The following SGCZ variants were observed in gnomAD, a reference collection of about 807,000 sequenced individuals.
SGCZ encodes zeta-sarcoglycan.
Under a neutral mutation model 41.3 loss-of-function variants are expected in SGCZ, and 40 were observed. The ratio of observed to expected loss-of-function variants is 0.97; its 90% confidence interval spans 0.75 to 1.26. The LOEUF (loss-of-function observed/expected upper bound fraction) is 1.26. Ranked by LOEUF, SGCZ falls within the 50% of genes most tolerant of loss-of-function variation. SGCZ has a pLI of 0.00. For missense variants in SGCZ, 552 were observed against 369.8 expected (o/e 1.49, Z -4.04); for synonymous variants, 206 against 137.5 (o/e 1.50, Z -3.49).
intron 1 of SGCZ, among the ~76,000 whole-genome samples, chr8:14,999,834 G>T (rs1167099261): frequency 6.6e-6 from 1 of 152,182 alleles, no homozygotes; most frequent in Non-Finnish European, 1.5e-5. Flanking sequence ...ACAGCAAAAA[G>T]TTAAAATCAG....
At chr8:15,044,771 G>A (rs762648198) in intron 1 of SGCZ, among the ~76,000 whole-genome samples, 10 of 151,986 alleles carry the variant, frequency 6.6e-5, no homozygotes, top group African/African-American at 2.2e-4. Context: ...GTGAGGGGTG[G>A]GTAGGGTTAG....
intron 5 of SGCZ, among the ~76,000 whole-genome samples, chr8:14,138,041 A>C (rs570189351): frequency 1.3e-5 from 2 of 152,314 alleles, no homozygotes; most frequent in African/African-American, 2.4e-5. Flanking sequence ...TTCTTAAAGA[A>C]AAGAATTTTC....
chr8:14,972,162 G>C (rs1248004652), intron 1 of SGCZ, among the ~76,000 whole-genome samples: 1 of 151,950 alleles, frequency 6.6e-6, no homozygotes, highest in Admixed American at 6.6e-5. Context: ...TACGGAGTTT[G>C]CCTTTCAAAT....
chr8:14,941,802 T>G (rs1413791374), intron 1 of SGCZ, among the ~76,000 whole-genome samples: 1 of 151,646 alleles, frequency 6.6e-6, no homozygotes, highest in East Asian at 1.9e-4. Flanking sequence ...TTACATGTCA[T>G]ATATATGTAA....
At chr8:14,899,612 G>C (rs73666933) in intron 1 of SGCZ, among the ~76,000 whole-genome samples, 1 of 152,136 alleles carries the variant, frequency 6.6e-6, no homozygotes, top group African/African-American at 2.4e-5. Flanking sequence ...GAGGCTCCAG[G>C]TTGTAAATTG....
chr8:14,432,998 AAAACT>A (rs942552536), intron 2 of SGCZ, among the ~76,000 whole-genome samples: 16 of 152,078 alleles, frequency 1.1e-4, no homozygotes, highest in Admixed American at 7.2e-4. Flanking sequence ...GAAACAAAAC[AAAACT>A]AAAGAAAAAA....
intron 1 of SGCZ, among the ~76,000 whole-genome samples, chr8:14,610,658 A>G (rs931702816): frequency 2.0e-5 from 3 of 152,178 alleles, no homozygotes; most frequent in Non-Finnish European, 4.4e-5. Flanking sequence ...TACAGGGTGC[A>G]TAGAAGTGAT....
chr8:15,036,910 T>TA (rs1295096717), intron 1 of SGCZ, among the ~76,000 whole-genome samples: 1 of 152,166 alleles, frequency 6.6e-6, no homozygotes, highest in African/African-American at 2.4e-5. Context: ...AAGTAGGGTT[T>TA]ATCCGAGGAA....
chr8:15,173,342 A>G (rs1003979995), intron 1 of SGCZ, among the ~76,000 whole-genome samples: 8 of 152,206 alleles, frequency 5.3e-5, no homozygotes, highest in South Asian at 2.1e-4. Context: ...CCACTGGAGC[A>G]ACGTTTAACT....
intron 3 of SGCZ, among the ~76,000 whole-genome samples, chr8:14,294,152 T>C (rs1157947550): frequency 6.6e-6 from 1 of 151,894 alleles, no homozygotes; most frequent in Non-Finnish European, 1.5e-5. Context: ...CTGAGAAACA[T>C]GTTAAATTAT....
chr8:14,744,379 T>A (rs958914308), intron 1 of SGCZ, among the ~76,000 whole-genome samples: 4 of 152,178 alleles, frequency 2.6e-5, no homozygotes, highest in African/African-American at 9.6e-5. Context: ...AGCTTTTCCC[T>A]TGAGGCTGTC....
At chr8:14,489,287 G>T (rs909226832) in intron 2 of SGCZ, among the ~76,000 whole-genome samples, 2 of 151,960 alleles carry the variant, frequency 1.3e-5, no homozygotes, top group Non-Finnish European at 2.9e-5. Flanking sequence ...CATTCACTGT[G>T]TCTACAATTT....
chr8:14,922,996 GC>G (rs1459390806), intron 1 of SGCZ, among the ~76,000 whole-genome samples: 1 of 152,164 alleles, frequency 6.6e-6, no homozygotes, highest in Non-Finnish European at 1.5e-5. Flanking sequence ...TGAATGATGA[GC>G]TTCTACACAT....
chr8:14,465,465 A>T (rs560743666), intron 2 of SGCZ, among the ~76,000 whole-genome samples: 1 of 151,840 alleles, frequency 6.6e-6, no homozygotes, highest in Non-Finnish European at 1.5e-5. Context: ...TCTCCTGTAC[A>T]GTTGCATCAT....
chr8:14,927,971 G>C (rs1278227463), intron 1 of SGCZ, among the ~76,000 whole-genome samples: 1 of 152,194 alleles, frequency 6.6e-6, no homozygotes, highest in Non-Finnish European at 1.5e-5. Flanking sequence ...CTAAGGTTCA[G>C]TCAAAGTCAT....
chr8:14,428,163 CAT>C (rs1401608787), intron 2 of SGCZ, among the ~76,000 whole-genome samples: 8 of 142,664 alleles, frequency 5.6e-5, no homozygotes, highest in African/African-American at 1.3e-4. Flanking sequence ...CACACACACA[CAT>C]ACACACATGC....
chr8:14,677,040 G>A (rs1340179770), intron 1 of SGCZ, among the ~76,000 whole-genome samples: 3 of 151,838 alleles, frequency 2.0e-5, no homozygotes, highest in African/African-American at 7.3e-5. Flanking sequence ...GTTAACAGAT[G>A]ACATAATTGT....
chr8:14,801,975 A>G lies in SGCZ; in HGVS notation c.40-247049T>C, dbSNP rs995152392. Among the ~76,000 whole-genome samples, 39 of 152,204 alleles carry G rather than the reference A, an allele frequency of 2.6e-4. 1 individual carries two copies. The highest frequency in any genetic ancestry group is 5.7e-4 in the Non-Finnish European group (39 of 68,032). On this transcript the variant is annotated intron_variant, in intron 1 of 7. Transcript: ENST00000382080. ...TGAGAGAAGGGATGTTTTCTAGCAA[A>G]GCTCAGTCCTGGGCAGGAGCACTTT...
At chr8:14,824,361 T>A (rs950578413) in intron 1 of SGCZ, among the ~76,000 whole-genome samples, 3 of 152,156 alleles carry the variant, frequency 2.0e-5, no homozygotes, top group Admixed American at 1.3e-4. Flanking sequence ...TTATACTCCA[T>A]AAATATGTAC....
Sources: allele counts gnomAD v4.1 joint callset (sites outside exome capture counted in the v4.1 genomes callset), GRCh38; gene constraint gnomAD v4.1.1; transcripts MANE v1.5; gene names NCBI Gene and HGNC (gene_info 2026-07-23, HGNC 2026-07-21).